DCC: variants seen among roughly 807,000 people sequenced by gnomAD.
DCC encodes netrin receptor DCC.
A neutral mutation model predicts 172.5 loss-of-function variants in DCC; 58 were observed. That is an observed-to-expected ratio of 0.34 (90% confidence interval 0.27 to 0.42). The LOEUF is 0.42. DCC is among the 10% of genes least tolerant of loss of function. The probability of loss-of-function intolerance (pLI) is 1.00; values close to 1 mark genes in which losing one functional copy is unlikely to be tolerated. For missense variants in DCC, 1,740 were observed against 1,791.0 expected (o/e 0.97, Z 0.51); for synonymous variants, 709 against 644.5 (o/e 1.10, Z -1.52).
chr18:53,452,016 A>G (rs917732220), intron 23 of DCC, among the ~76,000 whole-genome samples: 2 of 152,238 alleles, frequency 1.3e-5, no homozygotes, highest in African/African-American at 4.8e-5. Flanking sequence ...AACCTGCTAG[A>G]GTGAGCTTAG....
chr18:53,022,544 C>CGT (rs10686492), intron 5 of DCC, among the ~76,000 whole-genome samples: 1,217 of 85,644 alleles, frequency 0.014, 3 homozygotes, highest in African/African-American at 0.03. Flanking sequence ...TATATATGTG[C>CGT]GTGTGTGTGT....
At chr18:53,160,286 C>T (rs1469241640) in intron 8 of DCC, among the ~76,000 whole-genome samples, 1 of 152,130 alleles carries the variant, frequency 6.6e-6, no homozygotes, top group Non-Finnish European at 1.5e-5. Flanking sequence ...ATATTCTTGC[C>T]TCACTCTCCA....
intron 7 of DCC, among the ~76,000 whole-genome samples, chr18:53,085,520 C>A (rs933913033): frequency 6.6e-6 from 1 of 151,916 alleles, no homozygotes; most frequent in Non-Finnish European, 1.5e-5. Context: ...ACCTAGTCAC[C>A]GTCTTAAATT....
intron 2 of DCC, among the ~76,000 whole-genome samples, chr18:52,796,545 G>A (rs926059280): frequency 6.6e-6 from 1 of 152,098 alleles, no homozygotes; most frequent in Non-Finnish European, 1.5e-5. Context: ...GTCTGGGAAA[G>A]ACTTTATTTT....
intron 3 of DCC, among the ~76,000 whole-genome samples, chr18:52,920,758 CA>C (rs1315182911): frequency 6.6e-6 from 1 of 152,004 alleles, no homozygotes; most frequent in East Asian, 1.9e-4. Context: ...TTATAATCAC[CA>C]AAAACTGGAA....
At chr18:52,905,522 A>G (rs571300678) in intron 2 of DCC, among the ~76,000 whole-genome samples, 1 of 152,306 alleles carries the variant, frequency 6.6e-6, no homozygotes, top group South Asian at 2.1e-4. Flanking sequence ...CTTTGTTACT[A>G]TAATTGGTGG....
intron 1 of DCC, among the ~76,000 whole-genome samples, chr18:52,533,899 A>G (rs2032218488): frequency 6.6e-6 from 1 of 152,112 alleles, no homozygotes; most frequent in Non-Finnish European, 1.5e-5. Context: ...ACCCTCACCA[A>G]GATTTCATGC....
intron 21 of DCC, among the ~76,000 whole-genome samples, chr18:53,424,325 T>C (rs556707178): frequency 3.3e-5 from 5 of 152,298 alleles, no homozygotes; most frequent in Admixed American, 3.3e-4. Flanking sequence ...TTTTGATAAC[T>C]TGTGGATTAC....
At chr18:52,452,386 C>A (rs2144519324) in intron 1 of DCC, among the ~76,000 whole-genome samples, 1 of 152,272 alleles carries the variant, frequency 6.6e-6, no homozygotes, top group African/African-American at 2.4e-5. Flanking sequence ...CAAAATTATT[C>A]CGAAAGAAGT....
chr18:53,482,008 A>C (rs186319528), intron 25 of DCC, among the ~76,000 whole-genome samples: 1 of 152,130 alleles, frequency 6.6e-6, no homozygotes, highest in Non-Finnish European at 1.5e-5. Context: ...GCTGTTTTAC[A>C]TAAACATAGC....
intron 12 of DCC, among the ~76,000 whole-genome samples, chr18:53,240,156 A>T (rs573465328): frequency 1.3e-5 from 2 of 152,054 alleles, no homozygotes; most frequent in Admixed American, 1.3e-4. Flanking sequence ...TATGAAAGTT[A>T]TAATTACTTT....
At chr18:53,440,596 TG>T (rs1264918775) in intron 22 of DCC, among the ~76,000 whole-genome samples, 1 of 152,096 alleles carries the variant, frequency 6.6e-6, no homozygotes, top group Non-Finnish European at 1.5e-5. Flanking sequence ...ATTCCAAGGT[TG>T]GTAACTATTA....
chr18:52,949,911 AAAG>A (rs1331646918), intron 5 of DCC, among the ~76,000 whole-genome samples: 1 of 152,188 alleles, frequency 6.6e-6, no homozygotes, highest in Non-Finnish European at 1.5e-5. Context: ...ATCATAGAAA[AAAG>A]AATGTAGAAG....
intron 1 of DCC, among the ~76,000 whole-genome samples, chr18:52,552,296 A>G (rs1191360222): frequency 1.3e-5 from 2 of 152,072 alleles, no homozygotes; most frequent in Admixed American, 1.3e-4. Context: ...CTTGTTTCCA[A>G]GAAAAGGAAT....
At chr18:52,408,699 T>C (rs753794803) in intron 1 of DCC, among the ~76,000 whole-genome samples, 23 of 152,126 alleles carry the variant, frequency 1.5e-4, no homozygotes, top group Non-Finnish European at 2.5e-4. Flanking sequence ...ATTAAGCATA[T>C]GGTACTGGAA....
chr18:52,963,441 C>G (rs1382377712), intron 5 of DCC, among the ~76,000 whole-genome samples: 1 of 151,940 alleles, frequency 6.6e-6, no homozygotes, highest in African/African-American at 2.4e-5. Flanking sequence ...AAGCAGAAAG[C>G]AAGACTGTGA....
In DCC at chr18:53,476,160, T is replaced by G. The variant is rs183983161; in HGVS notation, c.3736+8150T>G. 1.8e-3 allele frequency among the ~76,000 whole-genome samples: 267 copies of G among 152,328 alleles called. 3 individuals are homozygous for G. Among genetic ancestry groups the G allele is most frequent in the African/African-American group, 6.1e-3 (255 of 41,574 alleles). Reference sequence around the variant, plus strand: ...GGAAGTAACTAACTTGCTTTTGATTTTACAGGCTGATAGGTGGAAAGGACT... The same window carrying G: ...GGAAGTAACTAACTTGCTTTTGATTGTACAGGCTGATAGGTGGAAAGGACT... On this transcript the variant is annotated intron_variant, in intron 25 of 28. Coordinates refer to ENST00000442544, the MANE Select transcript of DCC (RefSeq NM_005215.4).
intron 12 of DCC, among the ~76,000 whole-genome samples, chr18:53,251,358 T>A (rs543412675): frequency 2.6e-5 from 4 of 151,964 alleles, no homozygotes; most frequent in African/African-American, 9.7e-5. Context: ...CTATTCCACA[T>A]TGGACTCCGC....
At chr18:52,398,837 T>C (rs1167801554) in intron 1 of DCC, among the ~76,000 whole-genome samples, 1 of 151,944 alleles carries the variant, frequency 6.6e-6, no homozygotes, top group Non-Finnish European at 1.5e-5. Context: ...ACATAAGGGA[T>C]GTCCTTTTCT....
Sources: allele counts gnomAD v4.1 joint callset (sites outside exome capture counted in the v4.1 genomes callset), GRCh38; gene constraint gnomAD v4.1.1; transcripts MANE v1.5; gene names NCBI Gene and HGNC (gene_info 2026-07-23, HGNC 2026-07-21).